The following PREPL variants were observed in gnomAD, a reference collection of about 807,000 sequenced individuals.
PREPL encodes the protein prolyl endopeptidase-like.
A neutral mutation model predicts 70.6 loss-of-function variants in PREPL; 77 were observed. The ratio of observed to expected loss-of-function variants is 1.09; its 90% CI spans 0.91 to 1.32. The LOEUF is 1.32. Among genes scored for constraint, PREPL ranks in the 40% most tolerant of loss-of-function variants. The pLI, the probability that PREPL is intolerant of heterozygous loss-of-function variation, is 0.00. For missense variants in PREPL, 1,002 were observed against 778.2 expected (o/e 1.29, Z -3.42); for synonymous variants, 315 against 264.8 (o/e 1.19, Z -1.84).
chr2:44,359,502 A>T, intron 1 of PREPL: 1 of 1,604,886 alleles, frequency 6.2e-7, no homozygotes, highest in Non-Finnish European at 8.5e-7. Flanking sequence ...CATACCTTAC[A>T]TGAGAAGCTC....
intron 1 of PREPL, among the ~76,000 whole-genome samples, chr2:44,349,703 G>C (rs115226623): frequency 6.6e-6 from 1 of 152,250 alleles, no homozygotes; most frequent in African/African-American, 2.4e-5. Context: ...GGTGGCTCAC[G>C]CCTGTAATCT....
At chr2:44,321,618 T>C in intron 13 of PREPL, 173 bp from the exon 14 acceptor site, 5 of 1,480,504 alleles carry the variant, frequency 3.4e-6, no homozygotes, top group Non-Finnish European at 4.5e-6. Context: ...GATTAAATTA[T>C]TTTCTTTAAC....
rs140002275 is a variant in PREPL, at chr2:44,344,268, G to C, written c.142+252C>G. 3.5e-3 allele frequency among the ~76,000 whole-genome samples: 533 copies of C among 152,188 alleles called. 2 individuals are homozygous for C. The highest frequency in any genetic ancestry group is 0.012 in the African/African-American group (494 of 41,510). ...AATGACAATCAACAATATATGCCAA[G>C]TGCCTAGCATAGTACCCAAGACACA... On this transcript the variant is annotated intron_variant, in intron 3 of 13. Coordinates refer to ENST00000409411, the MANE Select transcript of PREPL (RefSeq NM_001171613.2).
Position 44,339,213 on chromosome 2 carries a change from G to A in PREPL, c.636C>T (p.Tyr212=). 6.2e-7 allele frequency: 1 copy of A among 1,614,064 alleles called. No individual in the cohort carries two copies. The highest frequency in any genetic ancestry group is 8.5e-7 in the Non-Finnish European group (1 of 1,179,952). The change falls in exon 6 of 14, where the codon TAC becomes TAT. Residue 212 remains tyrosine (Y), a synonymous_variant. Coordinates refer to ENST00000409411, the MANE Select transcript of PREPL (RefSeq NM_001171613.2). ...LIQKRIHGVL[Y]YVEHRDDELY... Reference sequence around the variant, plus strand: ...ATTCATCATCTCTGTGTTCAACATAGTAAAGGACCCCATGTATTCGCTTCT... The same window carrying A: ...ATTCATCATCTCTGTGTTCAACATAATAAAGGACCCCATGTATTCGCTTCT...
At chr2:44,321,576 C>A (rs972610621) in intron 13 of PREPL, 131 bp from the exon 14 acceptor site, 14 of 1,494,974 alleles carry the variant, frequency 9.4e-6, no homozygotes, top group Admixed American at 2.5e-5. Flanking sequence ...TACTTTCATT[C>A]GAGAGAGAGG....
intron 5 of PREPL, among the ~76,000 whole-genome samples, chr2:44,340,045 G>C (rs1675046801): frequency 6.6e-6 from 1 of 151,830 alleles, no homozygotes; most frequent in South Asian, 2.1e-4. Context: ...TGTAATTATA[G>C]ATACAATTTT....
chr2:44,328,978 G>A lies in PREPL; in HGVS notation c.1221C>T (p.Val407=), dbSNP rs749676469. 284 of 1,613,782 alleles carry A rather than the reference G, an allele frequency of 1.8e-4. No homozygotes were observed. The highest frequency in any genetic ancestry group is 2.3e-4 in the Non-Finnish European group (277 of 1,179,982). The change falls in exon 9 of 14, where the codon GTC becomes GTT. Residue 407 remains valine (V), a synonymous_variant. Transcript: ENST00000409411. ...LKMNFRPERR[V]LVDDGWILAY... Reference sequence around the variant, plus strand: ...CTAATATCCATCCATCATCCACCAGGACCCGCCTCTCAGGCCTGAAATTCA... The same window carrying A: ...CTAATATCCATCCATCATCCACCAGAACCCGCCTCTCAGGCCTGAAATTCA...
chr2:44,350,894 C>T (rs1676348197), intron 1 of PREPL, among the ~76,000 whole-genome samples: 2 of 152,056 alleles, frequency 1.3e-5, no homozygotes, highest in South Asian at 4.1e-4. Flanking sequence ...ACCTCATTCT[C>T]CTTGTTTTCC....
chr2:44,345,576 G>C (rs1434515554), intron 2 of PREPL, among the ~76,000 whole-genome samples: 1 of 152,048 alleles, frequency 6.6e-6, no homozygotes, highest in Non-Finnish European at 1.5e-5. Context: ...TTGAACTCTT[G>C]ACCTCAGGTG....
Position 44,328,960 on chromosome 2 carries a change from C to T in PREPL, c.1239G>A (p.Trp413Ter), listed in dbSNP as rs1157785144. 1.9e-6 allele frequency: 3 copies of T among 1,613,744 alleles called. No homozygotes were observed. Among genetic ancestry groups the T allele is most frequent in the East Asian group, 2.2e-5 (1 of 44,880 alleles). The change falls in exon 9 of 14, where the codon TGG (tryptophan) becomes TGA (stop). Residue 413 changes from tryptophan to a stop codon, truncating the protein, a stop_gained. Coordinates refer to ENST00000409411, the MANE Select transcript of PREPL (RefSeq NM_001171613.2). LOFTEE classifies it high-confidence loss of function. The part of the protein sequence containing the change: ...PERRVLVDDG[W>*]ILAYCHVRGG... ...ACCGAACATGGCAGTATGCTAATAT[C>T]CATCCATCATCCACCAGGACCCGCC...
chr2:44,341,993 T>G (rs995940961), intron 5 of PREPL, among the ~76,000 whole-genome samples: 1 of 152,132 alleles, frequency 6.6e-6, no homozygotes, highest in Non-Finnish European at 1.5e-5. Flanking sequence ...GGGTTTTAGT[T>G]TGAAAGAGAG....
intron 5 of PREPL, among the ~76,000 whole-genome samples, chr2:44,340,092 C>T (rs920419219): frequency 6.6e-6 from 1 of 151,886 alleles, no homozygotes; most frequent in African/African-American, 2.4e-5. Context: ...TCAATTTTCT[C>T]CCTACATGAG....
chr2:44,342,491 G>A lies in PREPL; in HGVS notation c.411C>T (p.Arg137=). 1 of 1,612,642 alleles carries A rather than the reference G, an allele frequency of 6.2e-7. No homozygotes were observed. The highest frequency in any genetic ancestry group is 8.5e-7 in the Non-Finnish European group (1 of 1,179,156). ...VLFYTFQRNL[R]CHDVYRATFG... is the part of the protein sequence containing the mutation. ...AAGTGGCTCGATATACGTCATGACA[G>A]CGAAGGTTCCTCTGGAAGGTGTAGA... The change falls in exon 5 of 14, where the codon CGC becomes CGT. Residue 137 remains arginine (R), a synonymous_variant. Coordinates refer to ENST00000409411, the MANE Select transcript of PREPL (RefSeq NM_001171613.2).
chr2:44,321,072 C>G lies in PREPL; in HGVS notation c.*284G>C, dbSNP rs992409024. The G allele has an allele frequency of 4.7e-6, 2 of 421,306 alleles. No individual in the cohort carries two copies. The highest frequency in any genetic ancestry group is 8.6e-6 in the Non-Finnish European group (2 of 232,152). The allele number at this position is 421,306 out of a possible 1,614,324, so 26.1% of individuals were successfully genotyped here. On this transcript the variant is annotated 3_prime_UTR_variant, in exon 14 of 14. Coordinates refer to ENST00000409411, the MANE Select transcript of PREPL (RefSeq NM_001171613.2). ...CAACTGTTCTGACTGGAAGGGAGGCCTGGAGCTCTGCTATCACCAATCCTT... is the reference window on the plus strand; with the variant it reads ...CAACTGTTCTGACTGGAAGGGAGGCGTGGAGCTCTGCTATCACCAATCCTT...
At chr2:44,356,324 C>G (rs1461617671) in intron 1 of PREPL, 1 of 152,152 alleles carries the variant, frequency 6.6e-6, no homozygotes, top group African/African-American at 2.4e-5. Context: ...GGTGGATCAC[C>G]TGAAGTCAGG....
At chr2:44,352,655 T>C (rs572863779) in intron 1 of PREPL, among the ~76,000 whole-genome samples, 1 of 152,314 alleles carries the variant, frequency 6.6e-6, no homozygotes, top group South Asian at 2.1e-4. Flanking sequence ...TTCAGTGTTA[T>C]ATCTCCAGTG....
intron 7 of PREPL, among the ~76,000 whole-genome samples, chr2:44,336,882 T>C (rs545024431): frequency 6.6e-6 from 1 of 152,264 alleles, no homozygotes; most frequent in South Asian, 2.1e-4. Flanking sequence ...AGGGAGTAGC[T>C]GGAGATTTCA....
Position 44,344,520 on chromosome 2 carries a change from C to A in PREPL, c.142G>T (p.Ala48Ser), listed in dbSNP as rs267599387. The A allele has an allele frequency of 1.1e-5, 17 of 1,582,050 alleles. No homozygotes were observed. The highest frequency in any genetic ancestry group is 1.5e-5 in the Non-Finnish European group (17 of 1,164,844). ...CCLVRSKDEE[A>S]DNDNYEVLFN... Reference sequence around the variant, plus strand: ...CGTAAAAAGAAAAATTGTGGTGTACCTTCTTCATCTTTGGAACGAACCAAG... The same window carrying A: ...CGTAAAAAGAAAAATTGTGGTGTACATTCTTCATCTTTGGAACGAACCAAG... Residue 48 changes from alanine (A) to serine (S), a missense_variant and splice_region_variant, in exon 3 of 14, where the codon GCA becomes TCA. Coordinates refer to ENST00000409411, the MANE Select transcript of PREPL (RefSeq NM_001171613.2).
At chr2:44,346,437 A>C in intron 1 of PREPL, 47 bp from the exon 2 acceptor site, 1 of 1,586,036 alleles carries the variant, frequency 6.3e-7, no homozygotes, top group Non-Finnish European at 8.6e-7. Flanking sequence ...CTAGGGAAAA[A>C]AAACTTTTGC....
Sources: gnomAD v4.1 joint callset for allele counts (sites outside exome capture counted in the v4.1 genomes callset) on GRCh38, gnomAD v4.1.1 for gene constraint, MANE v1.5 for transcripts, NCBI Gene and HGNC (gene_info 2026-07-23, HGNC 2026-07-21) for gene names.